Variants in FBXL17 observed in about 807,000 individuals in gnomAD.
The protein encoded by FBXL17 is F-box and leucine rich repeat protein 17.
In FBXL17, 22 loss-of-function variants were observed where a neutral mutation model predicts 66.2. The ratio of observed to expected loss-of-function variants is 0.33; its 90% CI spans 0.24 to 0.47. The LOEUF (loss-of-function observed/expected upper bound fraction) is 0.47, where lower values mean the gene tolerates loss of function less well. Ranked by LOEUF, FBXL17 falls within the 20% of genes least tolerant of loss-of-function variation. The pLI is 1.00. For synonymous variants in FBXL17, 474 were observed against 400.5 expected, an observed-to-expected ratio of 1.18 and a Z score of -2.19; for missense variants, 878 against 948.2, an observed-to-expected ratio of 0.93 and a Z score of 0.97.
chr5:108,314,956 T>A (rs1259671566), intron 4 of FBXL17, among the ~76,000 whole-genome samples: 1 of 151,082 alleles, frequency 6.6e-6, no homozygotes, highest in Non-Finnish European at 1.5e-5. Flanking sequence ...AATTTAAAAT[T>A]TTTTTCCATT....
chr5:108,158,174 T>C (rs1580530389), intron 6 of FBXL17, among the ~76,000 whole-genome samples: 1 of 152,100 alleles, frequency 6.6e-6, no homozygotes, highest in Non-Finnish European at 1.5e-5. Context: ...AACTCATCTA[T>C]AAAACTATTA....
intron 6 of FBXL17, among the ~76,000 whole-genome samples, chr5:108,121,877 A>G (rs1319650539): frequency 6.6e-6 from 1 of 152,152 alleles, no homozygotes; most frequent in Non-Finnish European, 1.5e-5. Context: ...TTTACAATTT[A>G]AAAGTTTTCT....
chr5:108,075,766 C>T (rs996409563), intron 6 of FBXL17, among the ~76,000 whole-genome samples: 5 of 152,174 alleles, frequency 3.3e-5, no homozygotes, highest in African/African-American at 9.7e-5. Flanking sequence ...CTTAAGCCAC[C>T]GCATCTGACC....
chr5:108,169,359 G>A (rs899071362), intron 6 of FBXL17, among the ~76,000 whole-genome samples: 1 of 152,260 alleles, frequency 6.6e-6, no homozygotes, highest in East Asian at 1.9e-4. Flanking sequence ...TTTCCTCAAA[G>A]ATAGTCATTC....
intron 6 of FBXL17, among the ~76,000 whole-genome samples, chr5:108,047,169 G>T (rs756754969): frequency 6.6e-6 from 1 of 152,248 alleles, no homozygotes; most frequent in East Asian, 1.9e-4. Context: ...CTATGGAGGG[G>T]AAGGAAGAGT....
At position 107,958,364 on chromosome 5, in the gene FBXL17, C is replaced by A. The variant is rs146332640; in HGVS notation, c.1822+62561G>T. Among the ~76,000 whole-genome samples, 343 of 152,188 alleles carry A rather than the reference C, an allele frequency of 2.3e-3. 4 individuals are homozygous for A. The highest frequency in any genetic ancestry group is 0.021 in the East Asian group (110 of 5,172). ...TTTAGTTTATGGACTAATATAAAAT[C>A]TTTAATCTCAGAACTAAACATGTAC... On this transcript the variant is annotated intron_variant, in intron 7 of 8. Transcript: ENST00000542267.
At chr5:108,088,700 CAAAAAAAAAAAAAAAAAAAAAAAAA>C (rs57707936) in intron 6 of FBXL17, among the ~76,000 whole-genome samples, 11 of 49,346 alleles carry the variant, frequency 2.2e-4, no homozygotes, top group Non-Finnish European at 3.1e-4. Flanking sequence ...GACTCTATCT[CAAAAAAAAAAAAAAAAAAAAAAAAA>C]AAAAAAAAAA....
chr5:108,064,189 T>C (rs1455380441), intron 6 of FBXL17, among the ~76,000 whole-genome samples: 1 of 152,188 alleles, frequency 6.6e-6, no homozygotes, highest in African/African-American at 2.4e-5. Context: ...CACACCTATA[T>C]TTATGTCAGT....
intron 6 of FBXL17, among the ~76,000 whole-genome samples, chr5:108,111,725 G>T (rs573012435): frequency 1.3e-5 from 2 of 152,024 alleles, no homozygotes; most frequent in Non-Finnish European, 2.9e-5. Context: ...ACTAGGCTAC[G>T]GGACCACACT....
chr5:107,919,994 C>T (rs1750258135), intron 7 of FBXL17, among the ~76,000 whole-genome samples: 1 of 152,144 alleles, frequency 6.6e-6, no homozygotes, highest in Non-Finnish European at 1.5e-5. Flanking sequence ...CTATATAGTG[C>T]AACCAAGCAA....
chr5:107,953,580 C>G (rs899727676), intron 7 of FBXL17, among the ~76,000 whole-genome samples: 1 of 152,022 alleles, frequency 6.6e-6, no homozygotes, highest in Admixed American at 6.6e-5. Flanking sequence ...CATTTGTTCT[C>G]TTGTATATCT....
chr5:108,171,977 G>A (rs1239193855), intron 6 of FBXL17, among the ~76,000 whole-genome samples: 1 of 152,180 alleles, frequency 6.6e-6, no homozygotes, highest in Non-Finnish European at 1.5e-5. Context: ...TGTAAGACGT[G>A]ACTTGCTCCT....
chr5:108,019,327 G>T (rs1213918569), intron 7 of FBXL17, among the ~76,000 whole-genome samples: 1 of 152,050 alleles, frequency 6.6e-6, no homozygotes, highest in East Asian at 1.9e-4. Flanking sequence ...TTATCTTCTG[G>T]AACATTTCTT....
chr5:108,073,125 G>A (rs1266796708), intron 6 of FBXL17, among the ~76,000 whole-genome samples: 8 of 151,942 alleles, frequency 5.3e-5, no homozygotes, highest in Admixed American at 5.2e-4. Context: ...ACAGTAAAGA[G>A]GACAAAATAA....
chr5:108,033,440 C>T (rs921260130), intron 6 of FBXL17, among the ~76,000 whole-genome samples: 4 of 152,088 alleles, frequency 2.6e-5, no homozygotes, highest in African/African-American at 7.2e-5. Flanking sequence ...ATGTCTACCT[C>T]GAACCCCTAA....
At chr5:108,126,942 T>C (rs190143828) in intron 6 of FBXL17, among the ~76,000 whole-genome samples, 8 of 152,158 alleles carry the variant, frequency 5.3e-5, no homozygotes, top group Non-Finnish European at 7.4e-5. Context: ...ACTCACTGAA[T>C]ACTACTATAA....
At chr5:108,159,963 A>G (rs1370689832) in intron 6 of FBXL17, among the ~76,000 whole-genome samples, 1 of 152,186 alleles carries the variant, frequency 6.6e-6, no homozygotes, top group African/African-American at 2.4e-5. Flanking sequence ...TATATGTAAA[A>G]AGAAATATGA....
chr5:108,024,911 T>C (rs571095012), intron 6 of FBXL17, among the ~76,000 whole-genome samples: 10 of 152,096 alleles, frequency 6.6e-5, no homozygotes, highest in Non-Finnish European at 1.2e-4. Context: ...TCCTTAGCAA[T>C]AGATTCGTAA....
intron 4 of FBXL17, among the ~76,000 whole-genome samples, chr5:108,225,472 C>T (rs927592410): frequency 6.6e-6 from 1 of 152,022 alleles, no homozygotes. Context: ...ATATAACTGG[C>T]GGAGCAGAGA....
Sources: allele counts gnomAD v4.1 joint callset (sites outside exome capture counted in the v4.1 genomes callset), GRCh38; gene constraint gnomAD v4.1.1; transcripts MANE v1.5; gene names NCBI Gene and HGNC (gene_info 2026-07-23, HGNC 2026-07-21).